Variants in ACADSB observed in about 807,000 individuals in gnomAD.
The protein encoded by ACADSB is short/branched chain specific acyl-CoA dehydrogenase, mitochondrial.
Under a neutral mutation model 54.1 loss-of-function variants are expected in ACADSB, and 40 were observed. The observed-to-expected ratio is 0.74, with a 90% CI of 0.57 to 0.96. ACADSB has a LOEUF of 0.96. ACADSB is among the 40% of genes least tolerant of loss of function. The pLI, the probability that ACADSB is intolerant of heterozygous loss-of-function variation, is 0.00. For missense variants in ACADSB, 530 were observed against 510.4 expected (o/e 1.04, Z -0.37); for synonymous variants, 182 against 182.8 (o/e 1.00, Z 0.03).
chr10:123,010,285 C>T (rs1850005232), intron 1 of ACADSB, among the ~76,000 whole-genome samples: 1 of 152,236 alleles, frequency 6.6e-6, no homozygotes, highest in South Asian at 2.1e-4. Context: ...AGAATAATAG[C>T]TTGCCCACAG....
chr10:123,048,730 TTTTA>T (rs1396064475), intron 8 of ACADSB, among the ~76,000 whole-genome samples: 1 of 151,828 alleles, frequency 6.6e-6, no homozygotes, highest in Non-Finnish European at 1.5e-5. Flanking sequence ...ATTTATTTAT[TTTTA>T]TTTATTTATT....
chr10:123,054,040 A>G lies in ACADSB; in HGVS notation c.*275A>G, dbSNP rs903865926. 8 of 493,958 alleles carry G rather than the reference A, an allele frequency of 1.6e-5. No homozygotes were observed. Among genetic ancestry groups the G allele is most frequent in the Non-Finnish European group, 2.9e-5 (8 of 272,852 alleles). 30.6% of individuals were successfully genotyped at this position (493,958 alleles called of 1,614,324 possible). A position where few individuals can be genotyped will look rare whatever the true frequency, so the allele number is the denominator to read the frequency against. On this transcript the variant is annotated 3_prime_UTR_variant, in exon 11 of 11. Transcript: ENST00000358776. ...TAAAGCTGTATACGCATACATATAT[A>G]TATTTTTACTCTGTCTTACTCTGTC...
intron 1 of ACADSB, among the ~76,000 whole-genome samples, chr10:123,021,629 A>T (rs184537945): frequency 2.0e-5 from 3 of 152,228 alleles, no homozygotes; most frequent in Admixed American, 6.5e-5. Flanking sequence ...CATAACACAT[A>T]TATAACTACA....
At chr10:123,041,130 G>A in intron 4 of ACADSB, 79 bp from the exon 5 acceptor site, 3 of 1,440,314 alleles carry the variant, frequency 2.1e-6, no homozygotes, top group South Asian at 1.2e-5. Flanking sequence ...ATTTACAAAT[G>A]TCCATTTTTC....
chr10:123,026,163 G>T lies in ACADSB; in HGVS notation c.43-8193G>T, dbSNP rs1850248735. ...AATTTAAATATTAAAACAGCATACT[G>T]TTTTGGCCAAGGCTCTGAAAAACAG... On this transcript the variant is annotated intron_variant, in intron 1 of 10. Transcript: ENST00000358776. 2.0e-5 allele frequency among the ~76,000 whole-genome samples: 3 copies of T among 152,164 alleles called. No homozygotes were observed. The South Asian group carries it at 6.2e-4, about 32-fold the overall frequency.
chr10:123,025,848 G>T (rs1352182479), intron 1 of ACADSB, among the ~76,000 whole-genome samples: 4 of 152,134 alleles, frequency 2.6e-5, no homozygotes, highest in African/African-American at 7.2e-5. Context: ...ATCACCTGAG[G>T]TCAGGAGTTG....
chr10:123,022,333 T>C (rs1056386377), intron 1 of ACADSB, among the ~76,000 whole-genome samples: 1 of 152,188 alleles, frequency 6.6e-6, no homozygotes, highest in Non-Finnish European at 1.5e-5. Context: ...CAAGCCAAGA[T>C]TGAACCTATG....
In ACADSB at chr10:123,032,230, C is replaced by T. The variant is rs568800652; in HGVS notation, c.43-2126C>T. Among the ~76,000 whole-genome samples, 13 of 152,130 alleles carry T rather than the reference C, an allele frequency of 8.5e-5. No homozygotes were observed. In the East Asian group the frequency reaches 2.1e-3, roughly 25 times the overall value. On this transcript the variant is annotated intron_variant, in intron 1 of 10. Coordinates refer to ENST00000358776, the MANE Select transcript of ACADSB (RefSeq NM_001609.4). ...TCCTGACCTATTGATCCACCTGCCT[C>T]GGCCTCCCAAAGTGCTCGGACTACA... is the stretch of plus-strand genomic sequence containing the variant.
rs541128947 is a variant in ACADSB at position 123,057,763 on chromosome 10, T to A, written c.*3998T>A. ...GAACCAGCCAACCAACTCTCTCATT[T>A]TAAAAGTGAAGGATTCATAGCACAG... On this transcript the variant is annotated 3_prime_UTR_variant, in exon 11 of 11. Coordinates refer to ENST00000358776, the MANE Select transcript of ACADSB (RefSeq NM_001609.4). The A allele has an allele frequency of 6.6e-6, 1 of 152,340 alleles. No individual in the cohort carries two copies. Among genetic ancestry groups the A allele is most frequent in the South Asian group, 2.1e-4 (1 of 4,816 alleles). 9.4% of individuals were successfully genotyped at this position (152,340 alleles called of 1,614,324 possible). A position where few individuals can be genotyped will look rare whatever the true frequency, so the allele number is the denominator to read the frequency against.
chr10:123,034,996 C>A (rs1850379676), intron 2 of ACADSB, among the ~76,000 whole-genome samples: 1 of 151,088 alleles, frequency 6.6e-6, no homozygotes, highest in Admixed American at 6.6e-5. Context: ...GACACCCAGG[C>A]TGGAGTGCAG....
intron 1 of ACADSB, among the ~76,000 whole-genome samples, chr10:123,030,172 C>T (rs1850307184): frequency 6.6e-6 from 1 of 152,174 alleles, no homozygotes; most frequent in African/African-American, 2.4e-5. Context: ...TTTACTATCA[C>T]TAAATTGTCC....
At chr10:123,048,070 CT>C (rs150167895) in intron 8 of ACADSB, among the ~76,000 whole-genome samples, 3,437 of 152,242 alleles carry the variant, frequency 0.023, 137 homozygotes, top group African/African-American at 0.076. Context: ...TTTAGGCAAC[CT>C]GAAGGCATGT....
At chr10:123,048,258 G>A (rs901487406) in intron 8 of ACADSB, among the ~76,000 whole-genome samples, 1 of 152,248 alleles carries the variant, frequency 6.6e-6, no homozygotes, top group Non-Finnish European at 1.5e-5. Context: ...GTAGAGATAC[G>A]AGGCTGTGGA....
In ACADSB at chr10:123,056,894, C is replaced by T. The variant is rs1850716148; in HGVS notation, c.*3129C>T. On this transcript the variant is annotated 3_prime_UTR_variant, in exon 11 of 11. Coordinates refer to ENST00000358776, the MANE Select transcript of ACADSB (RefSeq NM_001609.4). ...GTAAATACAATTGACATAGGAATTA[C>T]ATTAAAATATTAGGAAGAAACAAGG... is the stretch of plus-strand genomic sequence containing the variant. 6.6e-6 allele frequency: 1 copy of T among 152,598 alleles called. No individual in the cohort carries two copies. The highest frequency in any genetic ancestry group is 2.1e-4 in the South Asian group (1 of 4,828). The allele number at this position is 152,598 out of a possible 1,614,324, so 9.5% of individuals were successfully genotyped here.
rs752287413 is a variant in ACADSB at position 123,041,239 on chromosome 10, G to A, written c.541G>A (p.Ala181Thr). ...VGSFCLSEAG[A>T]GSDSFALKTR... is the part of the protein sequence containing the mutation. ...AAGTTTCTGCCTTTCAGAGGCTGGA[G>A]CAGGTAGTGACTCATTTGCTTTGAA... Residue 181 changes from alanine to threonine, a missense_variant, in exon 5 of 11, where the codon GCA (alanine) becomes ACA (threonine). Physicochemically the swap from Ala to Thr is moderately conservative, Grantham distance 58. Coordinates refer to ENST00000358776, the MANE Select transcript of ACADSB (RefSeq NM_001609.4). 4.9e-5 allele frequency: 79 copies of A among 1,614,030 alleles called. No individual in the cohort carries two copies. Among genetic ancestry groups the A allele is most frequent in the Non-Finnish European group, 6.3e-5 (74 of 1,180,030 alleles).
intron 1 of ACADSB, among the ~76,000 whole-genome samples, chr10:123,022,482 A>G (rs1481686974): frequency 1.3e-5 from 2 of 152,242 alleles, no homozygotes; most frequent in African/African-American, 4.8e-5. Context: ...TTTTAGAGCT[A>G]ACTATGACAT....
intron 7 of ACADSB, among the ~76,000 whole-genome samples, 166 bp downstream of exon 7, chr10:123,044,651 C>T (rs1032205773): frequency 1.3e-5 from 2 of 152,128 alleles, no homozygotes; most frequent in Admixed American, 1.3e-4. Flanking sequence ...CCCTTTTGGT[C>T]AATTATGTAA....
chr10:123,038,291 C>G (rs1324604665), intron 3 of ACADSB, among the ~76,000 whole-genome samples: 1 of 152,170 alleles, frequency 6.6e-6, no homozygotes, highest in Non-Finnish European at 1.5e-5. Flanking sequence ...TGAAGAAACC[C>G]TACTTTAGAT....
At chr10:123,011,799 G>C (rs1029307068) in intron 1 of ACADSB, among the ~76,000 whole-genome samples, 1 of 151,654 alleles carries the variant, frequency 6.6e-6, no homozygotes, top group Non-Finnish European at 1.5e-5. Flanking sequence ...CTCCCAAAAT[G>C]CTGGGATTAC....
Sources: gnomAD v4.1 joint callset for allele counts (sites outside exome capture counted in the v4.1 genomes callset) on GRCh38, gnomAD v4.1.1 for gene constraint, MANE v1.5 for transcripts, NCBI Gene and HGNC (gene_info 2026-07-23, HGNC 2026-07-21) for gene names.